The following NSD1 variants were observed in gnomAD, a reference collection of about 807,000 sequenced individuals.
NSD1 encodes nuclear receptor binding SET domain protein 1, also known as histone-lysine N-methyltransferase, H3 lysine-36 specific.
A neutral mutation model predicts 242.7 loss-of-function variants in NSD1; 26 were observed. The observed-to-expected ratio is 0.11, with a 90% CI of 0.08 to 0.15. The LOEUF is 0.15. Among genes scored for constraint, NSD1 ranks in the 10% least tolerant of loss-of-function variants. NSD1 has a pLI of 1.00. For missense variants in NSD1, 2,495 were observed against 3,272.8 expected, an observed-to-expected ratio of 0.76 and a Z score of 5.80; for synonymous variants, 1,106 against 1,178.1, an observed-to-expected ratio of 0.94 and a Z score of 1.25.
intron 14 of NSD1, among the ~76,000 whole-genome samples, chr5:177,262,850 G>A (rs1012107231): frequency 5.3e-5 from 8 of 152,198 alleles, no homozygotes; most frequent in African/African-American, 1.9e-4. Context: ...ATCTTCACAG[G>A]TGTGGGACAG....
chr5:177,245,872 C>T (rs568128593), intron 9 of NSD1, among the ~76,000 whole-genome samples: 11 of 152,112 alleles, frequency 7.2e-5, no homozygotes, highest in East Asian at 1.9e-4. Flanking sequence ...CTCCTGACCT[C>T]GTGATCTGTC....
intron 5 of NSD1, among the ~76,000 whole-genome samples, chr5:177,225,269 A>G (rs770089425): frequency 6.6e-6 from 1 of 151,898 alleles, no homozygotes; most frequent in Non-Finnish European, 1.5e-5. Flanking sequence ...CAGCCTCCCA[A>G]GTAGCTGGGG....
chr5:177,215,566 G>T (rs1291349808), intron 5 of NSD1, among the ~76,000 whole-genome samples: 3 of 150,714 alleles, frequency 2.0e-5, no homozygotes, highest in African/African-American at 4.9e-5. Context: ...TGAGACAAGG[G>T]TCTCCCTCTG....
At chr5:177,161,784 TTCTCCTCCTC>T (rs1184952507) in intron 2 of NSD1, among the ~76,000 whole-genome samples, 1 of 151,676 alleles carries the variant, frequency 6.6e-6, no homozygotes, top group Non-Finnish European at 1.5e-5. Context: ...GTTCAGGTGA[TTCTCCTCCTC>T]TAGCCTCCTC....
At chr5:177,265,139 A>C in intron 14 of NSD1, 2 of 758,816 alleles carry the variant, frequency 2.6e-6, no homozygotes, top group East Asian at 2.4e-5. Context: ...CCTGGGTTCA[A>C]CTGAAGCACT....
intron 17 of NSD1, among the ~76,000 whole-genome samples, chr5:177,278,136 A>G (rs1214510400): frequency 6.6e-6 from 1 of 152,208 alleles, no homozygotes; most frequent in Admixed American, 6.5e-5. Context: ...GAATCTAGGA[A>G]CAGATCTGGC....
At chr5:177,189,433 T>TA (rs1341499027) in intron 2 of NSD1, among the ~76,000 whole-genome samples, 1 of 152,238 alleles carries the variant, frequency 6.6e-6, no homozygotes, top group Non-Finnish European at 1.5e-5. Flanking sequence ...CTTTTTGTAG[T>TA]AGTTCTCTGA....
chr5:177,192,162 T>A, intron 3 of NSD1, 143 bp downstream of exon 3: 1 of 744,630 alleles, frequency 1.3e-6, no homozygotes, highest in Non-Finnish European at 2.1e-6. Flanking sequence ...TTGGGGCTTT[T>A]AAAAGTTCGT....
At position 177,135,737 on chromosome 5, in the gene NSD1, G is replaced by C. The variant is rs752438555; in HGVS notation, c.634G>C (p.Asp212His). The C allele has an allele frequency of 1.4e-5, 23 of 1,614,064 alleles. No homozygotes were observed. The South Asian group carries it at 2.5e-4, about 18-fold the overall frequency. ...GVKVAMGSEQ[D>H]STPESRHGAV... is the part of the protein sequence containing the mutation. Reference sequence around the variant, plus strand: ...AAAAGTGGCCATGGGAAGTGAACAAGACAGCACACCAGAGAGTAGACACGG... The same window carrying C: ...AAAAGTGGCCATGGGAAGTGAACAACACAGCACACCAGAGAGTAGACACGG... The change falls in exon 2 of 23, where the codon GAC (aspartate) becomes CAC (histidine). Residue 212 changes from aspartate (D) to histidine (H), a missense_variant. Asp to His is a moderately conservative substitution (Grantham distance 81, BLOSUM62 -1). This residue lies in a region of NSD1 where 376 missense variants were observed against 367.4 expected (regional missense o/e 1.02). Transcript: ENST00000439151.
intron 3 of NSD1, 123 bp downstream of exon 3, chr5:177,192,142 AT>A: frequency 1.2e-6 from 1 of 844,342 alleles, no homozygotes; most frequent in Non-Finnish European, 1.8e-6. Flanking sequence ...GGTGTTACAT[AT>A]TTTATCTTTT....
Position 177,160,599 on chromosome 5 carries a change from C to T in NSD1, c.927+24569C>T, listed in dbSNP as rs116524180. 3.9e-3 allele frequency among the ~76,000 whole-genome samples: 598 copies of T among 151,928 alleles called. 3 individuals carry two copies. Among genetic ancestry groups the T allele is most frequent in the Non-Finnish European group, 6.2e-3 (421 of 67,928 alleles). Reference sequence around the variant, plus strand: ...ATTACAGGAGTGAGCCACTGTGCCCCGCCTGCAATTACTTCTTAAGTTCTC... The same window carrying T: ...ATTACAGGAGTGAGCCACTGTGCCCTGCCTGCAATTACTTCTTAAGTTCTC... On this transcript the variant is annotated intron_variant, in intron 2 of 22. Coordinates refer to ENST00000439151, the MANE Select transcript of NSD1 (RefSeq NM_022455.5).
intron 3 of NSD1, among the ~76,000 whole-genome samples, chr5:177,194,884 C>T (rs1438813837): frequency 2.0e-5 from 3 of 151,422 alleles, no homozygotes; most frequent in African/African-American, 4.9e-5. Context: ...TGTGTCTGGG[C>T]GCAGTGGCTC....
rs1554172561 is a variant in NSD1 at position 177,158,293 on chromosome 5, C to CCTTTTCT, written c.927+22263_927+22264insCTTTTCT. On this transcript the variant is annotated intron_variant, in intron 2 of 22. Transcript: ENST00000439151. ...TCTTTCTTTCTTTCTTTCTTTCTTT[C>CCTTTTCT]TTTCTTTCTTTTCTTTCTTTTCTTT... Among the ~76,000 whole-genome samples the CCTTTTCT allele has an allele frequency of 2.8e-4, 22 of 77,674 alleles. No homozygotes were observed. In the Admixed American group the frequency reaches 3.1e-3, roughly 11 times the overall value. The allele number at this position is 77,674 out of a possible 152,430, so 51.0% of individuals were successfully genotyped here.
chr5:177,230,944 A>G (rs868439525), intron 5 of NSD1, among the ~76,000 whole-genome samples: 2 of 152,060 alleles, frequency 1.3e-5, no homozygotes, highest in African/African-American at 4.8e-5. Flanking sequence ...TTAGTGATGG[A>G]TGGGGATAAA....
At position 177,297,213 on chromosome 5, in the gene NSD1, C is replaced by G. The variant is rs1760310018; in HGVS notation, c.*1754C>G. ...TTTAGGGGCCTATCCCTGCATTTCA[C>G]TGAGACCTCGGAATCTCCTCTGTGA... On this transcript the variant is annotated 3_prime_UTR_variant, in exon 23 of 23. Coordinates refer to ENST00000439151, the MANE Select transcript of NSD1 (RefSeq NM_022455.5). The G allele has an allele frequency of 4.3e-6, 1 of 232,482 alleles. No homozygotes were observed. Among genetic ancestry groups the G allele is most frequent in the African/African-American group, 2.2e-5 (1 of 45,280 alleles). 14.4% of individuals were successfully genotyped at this position (232,482 alleles called of 1,614,324 possible). A position where few individuals can be genotyped will look rare whatever the true frequency, so the allele number is the denominator to read the frequency against.
chr5:177,195,426 G>A (rs904867131), intron 3 of NSD1, among the ~76,000 whole-genome samples: 1 of 151,948 alleles, frequency 6.6e-6, no homozygotes, highest in Non-Finnish European at 1.5e-5. Context: ...CTGTCCCTAT[G>A]ACTGCTGGTT....
intron 5 of NSD1, among the ~76,000 whole-genome samples, chr5:177,232,130 C>T (rs1468719995): frequency 6.6e-6 from 1 of 152,150 alleles, no homozygotes; most frequent in Non-Finnish European, 1.5e-5. Flanking sequence ...AACTCCTGGG[C>T]TCAAACCATC....
intron 2 of NSD1, among the ~76,000 whole-genome samples, chr5:177,177,341 C>A (rs551651686): frequency 2.0e-5 from 3 of 151,922 alleles, no homozygotes; most frequent in Non-Finnish European, 4.4e-5. Context: ...CTGGTGAAAC[C>A]CCCTCTCTAC....
chr5:177,160,029 A>G (rs1296900869), intron 2 of NSD1, among the ~76,000 whole-genome samples: 1 of 151,954 alleles, frequency 6.6e-6, no homozygotes, highest in Non-Finnish European at 1.5e-5. Context: ...ACCTGGGACC[A>G]CAGGTGTGCA....
Sources: gnomAD v4.1 joint callset for allele counts (sites outside exome capture counted in the v4.1 genomes callset) on GRCh38, gnomAD v4.1.1 for gene constraint, gnomAD v4.1.1 regional missense constraint, MANE v1.5 for transcripts, NCBI Gene and HGNC (gene_info 2026-07-23, HGNC 2026-07-21) for gene names.